The following LINGO2 variants were observed in gnomAD, a reference collection of about 807,000 sequenced individuals.
The protein encoded by LINGO2 is leucine-rich repeat and immunoglobulin-like domain-containing nogo receptor-interacting protein 2.
Under a neutral mutation model 30.6 loss-of-function variants are expected in LINGO2, and 14 were observed. The ratio of observed to expected loss-of-function variants is 0.46; its 90% CI spans 0.30 to 0.72. The LOEUF is 0.72. LINGO2 is among the 30% of genes least tolerant of loss of function. The pLI is 0.07. For synonymous variants in LINGO2, 317 were observed against 288.5 expected (o/e 1.10, Z -1.00); for missense variants, 729 against 751.7 (o/e 0.97, Z 0.35).
chr9:29,106,826 A>C, the LINGO2 span, among the ~76,000 whole-genome samples: 1 of 152,198 alleles, frequency 6.6e-6, no homozygotes, highest in Non-Finnish European at 1.5e-5. Context: ...AGAAGGATTA[A>C]GTGATTTGAT....
intron 3 of LINGO2, among the ~76,000 whole-genome samples, chr9:28,298,393 C>T (rs900507371): frequency 6.6e-6 from 1 of 150,964 alleles, no homozygotes; most frequent in African/African-American, 2.4e-5. Flanking sequence ...GGGCTGGGCG[C>T]AGTGGCTCAC....
At chr9:28,877,444 G>A in the LINGO2 span, among the ~76,000 whole-genome samples, 25 of 152,198 alleles carry the variant, frequency 1.6e-4, no homozygotes, top group African/African-American at 5.3e-4. Flanking sequence ...TGTCAGGAAG[G>A]GATCCAGTTT....
rs141791751 is a variant in LINGO2, at chr9:28,497,743, T to C, written c.-364-21718A>G. On this transcript the variant is annotated intron_variant, in intron 1 of 5. Coordinates refer to ENST00000379992, the Ensembl canonical transcript of LINGO2. The stretch of plus-strand genomic sequence containing the variant: ...GGAGGGGTAGAGGCACTCTGATTTT[T>C]AGAATTTTCAGCTTTTCTGCTCTGT... Among the ~76,000 whole-genome samples, 814 of 152,316 alleles carry C rather than the reference T, an allele frequency of 5.3e-3. 8 individuals carry two copies. The highest frequency in any genetic ancestry group is 0.019 in the African/African-American group (777 of 41,566).
the LINGO2 span, among the ~76,000 whole-genome samples, chr9:28,854,408 A>C: frequency 6.6e-6 from 1 of 152,154 alleles, no homozygotes; most frequent in Middle Eastern, 3.4e-3. Flanking sequence ...GTGCAGCATT[A>C]AAACTGGTAT....
At chr9:28,223,345 T>C (rs4588952) in intron 4 of LINGO2, among the ~76,000 whole-genome samples, 1 of 151,952 alleles carries the variant, frequency 6.6e-6, no homozygotes, top group African/African-American at 2.4e-5. Flanking sequence ...TGGTCTCACA[T>C]GGAAGAAGGC....
chr9:29,069,510 C>T, the LINGO2 span, among the ~76,000 whole-genome samples: 1 of 151,940 alleles, frequency 6.6e-6, no homozygotes, highest in Non-Finnish European at 1.5e-5. Flanking sequence ...ACATCCCATT[C>T]TCTCTTTTAA....
the LINGO2 span, among the ~76,000 whole-genome samples, chr9:28,722,915 T>C: frequency 2.0e-5 from 3 of 152,074 alleles, no homozygotes; most frequent in Non-Finnish European, 2.9e-5. Context: ...AGCTCTGATA[T>C]CCACTGGCTG....
At chr9:27,988,474 A>G (rs1469201085) in intron 5 of LINGO2, among the ~76,000 whole-genome samples, 2 of 152,114 alleles carry the variant, frequency 1.3e-5, no homozygotes, top group Middle Eastern at 3.4e-3. Context: ...CAACAGTGTA[A>G]AAGTGTTCCT....
intron 2 of LINGO2, among the ~76,000 whole-genome samples, chr9:28,380,320 C>T (rs149658555): frequency 1.3e-4 from 20 of 151,566 alleles, no homozygotes; most frequent in East Asian, 9.7e-4. Context: ...GGCCACCAGA[C>T]GCAAGCTAGG....
At chr9:29,120,191 G>T in the LINGO2 span, among the ~76,000 whole-genome samples, 1 of 152,076 alleles carries the variant, frequency 6.6e-6, no homozygotes, top group African/African-American at 2.4e-5. Flanking sequence ...CTGTTTCCAG[G>T]ATCACTGTGA....
intron 4 of LINGO2, among the ~76,000 whole-genome samples, chr9:28,152,448 A>G (rs1278864870): frequency 6.6e-6 from 1 of 152,136 alleles, no homozygotes; most frequent in Non-Finnish European, 1.5e-5. Flanking sequence ...AGACAGCAGA[A>G]CTGTGGGGCA....
the LINGO2 span, among the ~76,000 whole-genome samples, chr9:29,127,991 C>A: frequency 6.6e-6 from 1 of 152,238 alleles, no homozygotes; most frequent in East Asian, 1.9e-4. Flanking sequence ...AAAAGAAACA[C>A]ACCCAGTTCC....
At chr9:28,628,283 A>G (rs1262791681) in intron 1 of LINGO2, among the ~76,000 whole-genome samples, 2 of 152,064 alleles carry the variant, frequency 1.3e-5, no homozygotes, top group Non-Finnish European at 2.9e-5. Context: ...CATATAATAT[A>G]TCTTTGAAGA....
chr9:28,347,785 T>C (rs143290310), intron 3 of LINGO2, among the ~76,000 whole-genome samples: 1 of 152,294 alleles, frequency 6.6e-6, no homozygotes, highest in East Asian at 1.9e-4. Flanking sequence ...GCATCCAAGG[T>C]TGAGAACCAC....
the LINGO2 span, among the ~76,000 whole-genome samples, chr9:28,761,970 A>T: frequency 6.6e-6 from 1 of 151,732 alleles, no homozygotes; most frequent in Admixed American, 6.6e-5. Flanking sequence ...AATGCACATC[A>T]CATCGTGGTT....
At chr9:28,071,387 A>G (rs956625399) in intron 4 of LINGO2, among the ~76,000 whole-genome samples, 3 of 151,970 alleles carry the variant, frequency 2.0e-5, no homozygotes, top group Admixed American at 6.6e-5. Context: ...CAACAACACA[A>G]TCTTTATAGT....
chr9:28,127,413 G>A (rs1827267695), intron 4 of LINGO2, among the ~76,000 whole-genome samples: 1 of 152,210 alleles, frequency 6.6e-6, no homozygotes, highest in African/African-American at 2.4e-5. Flanking sequence ...AATACTGCAT[G>A]AAGCAGAGAT....
chr9:28,981,217 G>C, the LINGO2 span, among the ~76,000 whole-genome samples: 26 of 152,200 alleles, frequency 1.7e-4, no homozygotes, highest in Admixed American at 1.1e-3. Context: ...GAGCAATATA[G>C]TGCTATCTCT....
At chr9:28,207,794 A>C (rs1222199793) in intron 4 of LINGO2, among the ~76,000 whole-genome samples, 2 of 152,202 alleles carry the variant, frequency 1.3e-5, no homozygotes, top group African/African-American at 4.8e-5. Flanking sequence ...ATGCCTAAAA[A>C]TAATTAGCTA....
Sources: allele counts gnomAD v4.1 joint callset (sites outside exome capture counted in the v4.1 genomes callset), GRCh38; gene constraint gnomAD v4.1.1; transcripts MANE v1.5; gene names NCBI Gene and HGNC (gene_info 2026-07-23, HGNC 2026-07-21).